The following CFAP43 variants were observed in gnomAD, a reference collection of about 807,000 sequenced individuals.
CFAP43 encodes the protein cilia and flagella associated protein 43, also known as cilia- and flagella-associated protein 43.
In CFAP43, 155 loss-of-function variants were observed where a neutral mutation model predicts 218.9. That is an observed-to-expected ratio of 0.71 (90% CI 0.62 to 0.81). The LOEUF is 0.81. Among genes scored for constraint, CFAP43 ranks in the 30% least tolerant of loss-of-function variants. The pLI, the probability that CFAP43 is intolerant of heterozygous loss-of-function variation, is 0.00. For synonymous variants in CFAP43, 645 were observed against 681.3 expected (o/e 0.95, Z 0.83); for missense variants, 1,778 against 1,954.3 (o/e 0.91, Z 1.70).
intron 34 of CFAP43, among the ~76,000 whole-genome samples, chr10:104,136,579 A>C (rs2087462070): frequency 6.6e-6 from 1 of 151,902 alleles, no homozygotes; most frequent in South Asian, 2.1e-4. Context: ...CATCTTGGCC[A>C]GGCTGGTCTT....
chr10:104,162,460 T>C, intron 24 of CFAP43, 57 bp from the exon 25 acceptor site: 1 of 1,455,142 alleles, frequency 6.9e-7, no homozygotes, highest in South Asian at 1.1e-5. Context: ...AACTAAACTT[T>C]CCTTCCACAT....
chr10:104,207,269 G>A (rs551401632), intron 6 of CFAP43, among the ~76,000 whole-genome samples: 1 of 152,136 alleles, frequency 6.6e-6, no homozygotes, highest in South Asian at 2.1e-4. Context: ...TGGAGAAAAG[G>A]GTTGGGGTGG....
chr10:104,166,855 T>G, intron 22 of CFAP43, 137 bp from the exon 23 acceptor site: 1 of 717,916 alleles, frequency 1.4e-6, no homozygotes, highest in East Asian at 2.6e-5. Context: ...TTCGAAGTGA[T>G]GAATAGATCC....
At chr10:104,131,247 TTTTTAACTGTTGTATACA>T in intron 37 of CFAP43, 66 bp downstream of exon 37, 1 of 1,462,874 alleles carries the variant, frequency 6.8e-7, no homozygotes, top group South Asian at 1.3e-5. Flanking sequence ...TGCTGATAGC[TTTTTAACTGTTGTATACA>T]TTTTAGGATT....
chr10:104,131,510 C>G (rs1223988751), intron 36 of CFAP43, 26 bp from the exon 37 acceptor site: 2 of 1,583,594 alleles, frequency 1.3e-6, no homozygotes, highest in African/African-American at 2.7e-5. Context: ...CCATGACACC[C>G]CACAAAATTA....
chr10:104,132,028 T>C (rs2087218876), intron 36 of CFAP43, 88 bp downstream of exon 36: 2 of 1,017,248 alleles, frequency 2.0e-6, no homozygotes, highest in Non-Finnish European at 2.8e-6. Context: ...TATTAGGGTC[T>C]AGGTAAATTC....
chr10:104,207,738 AC>A lies in CFAP43; in HGVS notation c.821del (p.Gly274ValfsTer4). The stretch of plus-strand genomic sequence containing the variant: ...TGTCTCCATTAATCATTAAAAGATG[AC>A]CCTCTTCACAGCCAATGTACAAGTC... ...TSDLYIGCEE[G>X]HLLMINGDTL... On this transcript the variant is annotated frameshift_variant, in exon 6 of 38. Transcript: ENST00000357060. LOFTEE classifies it high-confidence loss of function. 6.2e-7 allele frequency: 1 copy of A among 1,614,126 alleles called. No individual in the cohort carries two copies. The highest frequency in any genetic ancestry group is 2.2e-5 in the East Asian group (1 of 44,880).
intron 34 of CFAP43, among the ~76,000 whole-genome samples, chr10:104,136,101 T>A (rs886961780): frequency 6.6e-6 from 1 of 151,318 alleles, no homozygotes; most frequent in Non-Finnish European, 1.5e-5. Context: ...AATACAAAAA[T>A]TAGCTGGGCA....
At position 104,161,208 on chromosome 10, in the gene CFAP43, G is replaced by A. The variant is rs537014921; in HGVS notation, c.3415-46C>T. Reference sequence around the variant, plus strand: ...ATATATTTCAGCTCAAACGTTAAATGCAGTAGTACAGTAAAAGCTCAGAGT... The same window carrying A: ...ATATATTTCAGCTCAAACGTTAAATACAGTAGTACAGTAAAAGCTCAGAGT... On this transcript the variant is annotated intron_variant, in intron 26 of 37. Transcript: ENST00000357060. 4.4e-6 allele frequency: 7 copies of A among 1,585,282 alleles called. No individual in the cohort carries two copies. In the South Asian group the frequency reaches 7.0e-5, roughly 16 times the overall value.
rs894642548 is a variant in CFAP43, at chr10:104,197,931, T to C, written c.1203A>G (p.Gln401=). The stretch of plus-strand genomic sequence containing the variant: ...GTAAAATATTCTTTACCATGAAGTA[T>C]TGGGTTCCAGGTGTGATAAAGTCAA... The part of the protein sequence containing the change: ...QAIDFITPGT[Q]YFMTLTYSGE... Residue 401 remains glutamine, a synonymous_variant, in exon 9 of 38, where the codon CAA becomes CAG. Transcript: ENST00000357060. 9 of 1,601,196 alleles carry C rather than the reference T, an allele frequency of 5.6e-6. No individual in the cohort carries two copies. The highest frequency in any genetic ancestry group is 7.7e-6 in the Non-Finnish European group (9 of 1,168,928).
intron 23 of CFAP43, among the ~76,000 whole-genome samples, chr10:104,165,902 C>T (rs1255295816): frequency 1.3e-5 from 2 of 152,114 alleles, no homozygotes; most frequent in African/African-American, 4.8e-5. Context: ...TTTGAGCTTA[C>T]TGAAGTCCAA....
intron 3 of CFAP43, among the ~76,000 whole-genome samples, chr10:104,215,855 G>A (rs917014309): frequency 2.0e-5 from 3 of 151,984 alleles, no homozygotes; most frequent in Admixed American, 6.6e-5. Context: ...GGTTCTCTCC[G>A]CCTCCTCTCC....
chr10:104,154,120 AT>A (rs756469867), intron 27 of CFAP43, among the ~76,000 whole-genome samples: 20 of 152,116 alleles, frequency 1.3e-4, no homozygotes, highest in Non-Finnish European at 2.6e-4. Flanking sequence ...TAGTTTTTCC[AT>A]TTGTAATTTA....
At chr10:104,162,471 AC>A in intron 24 of CFAP43, 68 bp from the exon 25 acceptor site, 1 of 1,334,070 alleles carries the variant, frequency 7.5e-7, no homozygotes, top group Non-Finnish European at 1.1e-6. Flanking sequence ...CCTTCCACAT[AC>A]TGGGAGGAGG....
chr10:104,227,835 CTTTTTTTTT>C (rs776193577), intron 2 of CFAP43, among the ~76,000 whole-genome samples: 23 of 58,352 alleles, frequency 3.9e-4, no homozygotes, highest in Non-Finnish European at 6.1e-4. Context: ...ATGTTTTCTA[CTTTTTTTTT>C]TTTTTTTTTT....
intron 19 of CFAP43, among the ~76,000 whole-genome samples, chr10:104,174,007 T>G (rs1238546835): frequency 3.9e-5 from 6 of 152,090 alleles, no homozygotes; most frequent in African/African-American, 1.4e-4. Context: ...AAAAGAATCA[T>G]AAGACTAGAA....
At chr10:104,188,202 A>G in intron 13 of CFAP43, 68 bp downstream of exon 13, 1 of 1,564,174 alleles carries the variant, frequency 6.4e-7, no homozygotes, top group Non-Finnish European at 8.7e-7. Flanking sequence ...AACAAAACAA[A>G]CCCAAAAAAC....
intron 24 of CFAP43, among the ~76,000 whole-genome samples, chr10:104,163,768 T>C (rs773118003): frequency 6.6e-5 from 10 of 152,220 alleles, no homozygotes; most frequent in African/African-American, 9.6e-5. Context: ...GTGGAGGAGA[T>C]ACAAAGTAGA....
chr10:104,175,084 C>A (rs142639707), intron 19 of CFAP43, among the ~76,000 whole-genome samples: 15,017 of 148,628 alleles, frequency 0.1, 795 homozygotes, highest in Middle Eastern at 0.18. Flanking sequence ...AACAAACAAA[C>A]AAACAAAAAA....
Sources: gnomAD v4.1 joint callset for allele counts (sites outside exome capture counted in the v4.1 genomes callset) on GRCh38, gnomAD v4.1.1 for gene constraint, MANE v1.5 for transcripts, NCBI Gene and HGNC (gene_info 2026-07-23, HGNC 2026-07-21) for gene names.